The following RNF157 variants were observed in gnomAD, a reference collection of about 807,000 sequenced individuals.
The protein encoded by RNF157 is E3 ubiquitin ligase RNF157.
RNF157 carries 55 observed loss-of-function variants against 88.3 expected under a neutral mutation model. That is an observed-to-expected ratio of 0.62 (90% CI 0.50 to 0.78). The LOEUF is 0.78. Among genes scored for constraint, RNF157 ranks in the 30% least tolerant of loss-of-function variants. The pLI, the probability that RNF157 is intolerant of heterozygous loss-of-function variation, is 0.00. For synonymous variants in RNF157, 334 were observed against 341.2 expected (o/e 0.98, Z 0.23); for missense variants, 788 against 860.8 (o/e 0.92, Z 1.06).
chr17:76,219,088 G>A (rs942520937), intron 1 of RNF157, among the ~76,000 whole-genome samples: 1 of 152,078 alleles, frequency 6.6e-6, no homozygotes, highest in African/African-American at 2.4e-5. Flanking sequence ...TTCAAATGCT[G>A]GAGTAAAGAG....
intron 2 of RNF157, among the ~76,000 whole-genome samples, chr17:76,189,345 C>G (rs2069344676): frequency 6.6e-6 from 1 of 152,178 alleles, no homozygotes; most frequent in Non-Finnish European, 1.5e-5. Context: ...AAAATTAATT[C>G]AGCAAGAGAA....
intron 2 of RNF157, among the ~76,000 whole-genome samples, chr17:76,205,723 C>CTAAA (rs35839727): frequency 0.083 from 12,106 of 146,728 alleles, 531 homozygotes; most frequent in South Asian, 0.13. Context: ...GACTCCATCT[C>CTAAA]TAAATAAATA....
intron 1 of RNF157, among the ~76,000 whole-genome samples, chr17:76,239,940 T>C (rs2145099310): frequency 6.6e-6 from 1 of 152,178 alleles, no homozygotes; most frequent in Admixed American, 6.5e-5. Context: ...TCGGTGACCC[T>C]GCTAGACCCG....
chr17:76,219,755 A>G (rs900622179), intron 1 of RNF157, among the ~76,000 whole-genome samples: 1 of 152,208 alleles, frequency 6.6e-6, no homozygotes, highest in Non-Finnish European at 1.5e-5. Context: ...ACTTTAAGAG[A>G]CTGTAATTTA....
chr17:76,200,238 T>C (rs1263056359), intron 2 of RNF157, among the ~76,000 whole-genome samples: 3 of 150,486 alleles, frequency 2.0e-5, no homozygotes, highest in Non-Finnish European at 4.4e-5. Context: ...CGGGACTCCG[T>C]CTTGTCAAAA....
At chr17:76,222,351 A>G (rs1044077731) in intron 1 of RNF157, among the ~76,000 whole-genome samples, 3 of 152,020 alleles carry the variant, frequency 2.0e-5, no homozygotes, top group African/African-American at 7.2e-5. Flanking sequence ...CGTCTCAAAA[A>G]AAAAAAAAAA....
At chr17:76,148,790 C>T (rs2068628034) in intron 18 of RNF157, among the ~76,000 whole-genome samples, 1 of 151,710 alleles carries the variant, frequency 6.6e-6, no homozygotes, top group Non-Finnish European at 1.5e-5. Context: ...AGGCTGGTCT[C>T]CAGCTCCTGG....
At chr17:76,202,101 CAAT>C (rs1228763488) in intron 2 of RNF157, among the ~76,000 whole-genome samples, 3 of 148,254 alleles carry the variant, frequency 2.0e-5, no homozygotes, top group Non-Finnish European at 4.4e-5. Context: ...GCAAATAACC[CAAT>C]CTCAGTTTCT....
At chr17:76,228,063 T>C (rs1407562781) in intron 1 of RNF157, among the ~76,000 whole-genome samples, 2 of 152,172 alleles carry the variant, frequency 1.3e-5, no homozygotes, top group East Asian at 1.9e-4. Flanking sequence ...ATGGAATTCA[T>C]AGATGTAGAC....
In RNF157 at chr17:76,155,256, G is replaced by C. The variant is rs755234792; in HGVS notation, c.1760C>G (p.Ala587Gly). 6.8e-6 allele frequency: 11 copies of C among 1,613,900 alleles called. No individual in the cohort carries two copies. The highest frequency in any genetic ancestry group is 7.6e-6 in the Non-Finnish European group (9 of 1,179,850). ...FAGLPAGEQD[A>G]EGNDVIEEED... ...ACTCCGTGCTGTTGGGGTTACCTCT[G>C]CATCCTGCTCTCCAGCTGGGAGGCC... The change falls in exon 16 of 19, where the codon GCA (alanine) becomes GGA (glycine). Residue 587 changes from alanine to glycine, a missense_variant. Coordinates refer to ENST00000269391, the MANE Select transcript of RNF157 (RefSeq NM_052916.3).
chr17:76,220,385 T>TAAA (rs34888046), intron 1 of RNF157, among the ~76,000 whole-genome samples: 2 of 128,726 alleles, frequency 1.6e-5, no homozygotes, highest in African/African-American at 2.7e-5. Context: ...TAATGATATC[T>TAAA]AAAAAAAAAA....
intron 2 of RNF157, among the ~76,000 whole-genome samples, chr17:76,210,419 T>A (rs1455491256): frequency 1.3e-5 from 2 of 150,536 alleles, no homozygotes; most frequent in Non-Finnish European, 3.0e-5. Context: ...TGAAACCCCG[T>A]CTCTACTAAA....
Position 76,195,652 on chromosome 17 carries a change from T to C in RNF157, c.207+16712A>G, listed in dbSNP as rs2069466081. 6.6e-6 allele frequency among the ~76,000 whole-genome samples: 1 copy of C among 152,184 alleles called. No homozygotes were observed. The highest frequency in any genetic ancestry group is 6.5e-5 in the Admixed American group (1 of 15,268). ...CCTGCAAACAATAGAGTGGATAAAT[T>C]ATGGTGTATTCACACAATGAAATAC... On this transcript the variant is annotated intron_variant, in intron 2 of 18. Transcript: ENST00000269391. This position sits in a 1 kb window ranked among gnomAD's most constrained non-coding sequence, Gnocchi z 4.4.
At chr17:76,223,162 T>C (rs2145053975) in intron 1 of RNF157, among the ~76,000 whole-genome samples, 1 of 151,586 alleles carries the variant, frequency 6.6e-6, no homozygotes, top group Admixed American at 6.6e-5. Flanking sequence ...AGTGCTGGGA[T>C]TACAGGGGTG....
intron 16 of RNF157, chr17:76,154,665 G>A (rs1422027931): frequency 1.1e-5 from 3 of 271,586 alleles, no homozygotes. Context: ...GAGATCATAA[G>A]ACTTTCAGAA....
At chr17:76,164,535 C>G in intron 8 of RNF157, 1 of 381,538 alleles carries the variant, frequency 2.6e-6, no homozygotes, top group Non-Finnish European at 4.6e-6. Context: ...ATCAGCATTC[C>G]TTTCAGGCCA....
intron 2 of RNF157, among the ~76,000 whole-genome samples, chr17:76,210,189 A>G (rs1474987372): frequency 6.6e-6 from 1 of 152,232 alleles, no homozygotes; most frequent in Non-Finnish European, 1.5e-5. Context: ...CAAAGAGTAG[A>G]CATCTGATAA....
chr17:76,226,818 T>C (rs2070096476), intron 1 of RNF157: 3 of 1,525,458 alleles, frequency 2.0e-6, no homozygotes, highest in Non-Finnish European at 2.6e-6. Context: ...TTGCGGTGCT[T>C]TGCTGGAATC....
chr17:76,172,931 A>G (rs1210240477), intron 3 of RNF157, among the ~76,000 whole-genome samples: 1 of 152,132 alleles, frequency 6.6e-6, no homozygotes. Context: ...GATGAGGATT[A>G]AGCAACCAAC....
Sources: gnomAD v4.1 joint callset for allele counts (sites outside exome capture counted in the v4.1 genomes callset) on GRCh38, gnomAD v4.1.1 for gene constraint, Gnocchi (gnomAD v3.1) non-coding constraint, MANE v1.5 for transcripts, NCBI Gene and HGNC (gene_info 2026-07-23, HGNC 2026-07-21) for gene names.